The following ZNF789 variants were observed in gnomAD, a reference collection of about 807,000 sequenced individuals.
ZNF789 encodes zinc finger protein 789.
In ZNF789, 11 loss-of-function variants were observed where a neutral mutation model predicts 15.6. The observed-to-expected ratio is 0.70, with a 90% CI of 0.44 to 1.16. The LOEUF (loss-of-function observed/expected upper bound fraction) is 1.16, where lower values mean the gene tolerates loss of function less well. Ranked by LOEUF, ZNF789 falls within the 50% of genes most tolerant of loss-of-function variation. The pLI, the probability that ZNF789 is intolerant of heterozygous loss-of-function variation, is 0.00. For missense variants in ZNF789, 461 were observed against 512.6 expected (o/e 0.90, Z 0.97); for synonymous variants, 159 against 176.0 (o/e 0.90, Z 0.76).
intron 2 of ZNF789, 36 bp from the exon 3 acceptor site, chr7:99,479,625 A>T: frequency 6.4e-7 from 1 of 1,557,376 alleles, no homozygotes; most frequent in Non-Finnish European, 8.7e-7. Flanking sequence ...AAGTTATTTT[A>T]AGAATTGCAG....
chr7:99,477,903 G>A (rs1799420868), intron 2 of ZNF789, among the ~76,000 whole-genome samples: 1 of 152,166 alleles, frequency 6.6e-6, no homozygotes, highest in African/African-American at 2.4e-5. Flanking sequence ...AGCCGAGATC[G>A]CGCCATTGCA....
intron 4 of ZNF789, among the ~76,000 whole-genome samples, chr7:99,486,062 A>C (rs1309704245): frequency 1.3e-5 from 2 of 152,184 alleles, no homozygotes; most frequent in Non-Finnish European, 2.9e-5. Flanking sequence ...TCACGCCTGT[A>C]ATCCCAGCAC....
rs1432575127 is a variant in ZNF789, at chr7:99,484,102, C to G, written c.224C>G (p.Pro75Arg). ...NWDEQWILDL[P>R]RTGNRKASGS... ...GACGAGCAGTGGATCCTGGATCTAC[C>G]GAGAACTGGGAATAGGAAGGCTTCC... is the stretch of plus-strand genomic sequence containing the variant. Residue 75 changes from proline (P) to arginine (R), a missense_variant, in exon 4 of 5, where the codon CCG (proline) becomes CGG (arginine). Transcript: ENST00000331410. 6.2e-7 allele frequency: 1 copy of G among 1,613,958 alleles called. No individual in the cohort carries two copies. The highest frequency in any genetic ancestry group is 2.2e-5 in the East Asian group (1 of 44,874).
At position 99,479,790 on chromosome 7, in the gene ZNF789, A is replaced by T; in HGVS notation, c.151+3A>T. 1 of 1,612,494 alleles carries T rather than the reference A, an allele frequency of 6.2e-7. No individual in the cohort carries two copies. The highest frequency in any genetic ancestry group is 8.5e-7 in the Non-Finnish European group (1 of 1,179,238). On this transcript the variant is annotated splice_donor_region_variant and intron_variant, in intron 3 of 4. Coordinates refer to ENST00000331410, the MANE Select transcript of ZNF789 (RefSeq NM_213603.3). ...CTACAGGAACATGGTCTTGCTGGGT[A>T]GGACACGGCTTGAAGATTGGGCTTT...
chr7:99,477,244 T>C (rs1799384971), intron 2 of ZNF789, among the ~76,000 whole-genome samples: 2 of 152,122 alleles, frequency 1.3e-5, no homozygotes, highest in Non-Finnish European at 2.9e-5. Flanking sequence ...GGTTTCACCA[T>C]GTTGGCCAGA....
intron 4 of ZNF789, among the ~76,000 whole-genome samples, chr7:99,484,441 G>A (rs1235228056): frequency 1.3e-5 from 2 of 152,170 alleles, no homozygotes; most frequent in East Asian, 1.9e-4. Context: ...CCAACATGGT[G>A]AAACCCCGTC....
intron 1 of ZNF789, among the ~76,000 whole-genome samples, chr7:99,474,959 T>C (rs566811470): frequency 6.6e-6 from 1 of 151,070 alleles, no homozygotes; most frequent in East Asian, 1.9e-4. Flanking sequence ...CACTCCAGCC[T>C]GGGTGATAGA....
chr7:99,480,602 T>C (rs1799570413), intron 3 of ZNF789: 1 of 152,248 alleles, frequency 6.6e-6, no homozygotes, highest in Non-Finnish European at 1.5e-5. Context: ...GAGTTGAGAA[T>C]TATGGTAGAT....
At chr7:99,481,907 G>A in intron 3 of ZNF789, 1 of 452,886 alleles carries the variant, frequency 2.2e-6, no homozygotes. Flanking sequence ...AGTAACTCTT[G>A]TTATTAACAT....
rs192623242 is a variant in ZNF789 at position 99,474,391 on chromosome 7, A to G, written c.-55+1335A>G. Among the ~76,000 whole-genome samples, 562 of 152,222 alleles carry G rather than the reference A, an allele frequency of 3.7e-3. 2 individuals are homozygous for G. Among genetic ancestry groups the G allele is most frequent in the Middle Eastern group, 6.8e-3 (2 of 294 alleles). On this transcript the variant is annotated intron_variant, in intron 1 of 4. Coordinates refer to ENST00000331410, the MANE Select transcript of ZNF789 (RefSeq NM_213603.3). ...GGGAGGATCACGAGGTCAGGAGATC[A>G]AGACCATCCTGGCTAACACGGTGAA...
intron 2 of ZNF789, chr7:99,478,415 G>C (rs1269322081): frequency 7.9e-7 from 1 of 1,266,450 alleles, no homozygotes; most frequent in Non-Finnish European, 1.0e-6. Flanking sequence ...AGGAAAGAAA[G>C]TCCGTATAAT....
intron 2 of ZNF789, 48 bp from the exon 3 acceptor site, chr7:99,479,613 G>GT: frequency 1.3e-6 from 2 of 1,546,592 alleles, no homozygotes; most frequent in African/African-American, 1.4e-5. Flanking sequence ...ATCATTGAGC[G>GT]TAAGTTATTT....
chr7:99,482,889 G>T (rs1027326007), intron 3 of ZNF789, among the ~76,000 whole-genome samples: 1 of 151,746 alleles, frequency 6.6e-6, no homozygotes, highest in Non-Finnish European at 1.5e-5. Flanking sequence ...TGCTATATAT[G>T]AGTTTTGTAT....
At chr7:99,483,134 G>A (rs1799736782) in intron 3 of ZNF789, among the ~76,000 whole-genome samples, 1 of 151,788 alleles carries the variant, frequency 6.6e-6, no homozygotes, top group Non-Finnish European at 1.5e-5. Context: ...GGGAGGCCGA[G>A]GCAAGAGAAT....
At chr7:99,481,079 A>G (rs1422961575) in intron 3 of ZNF789, 2 of 152,258 alleles carry the variant, frequency 1.3e-5, no homozygotes, top group African/African-American at 4.8e-5. Flanking sequence ...TGCCTTTACA[A>G]AAGTAGCTGA....
rs757804978 is a variant in ZNF789, at chr7:99,486,807, GTC to G, written c.599_600del (p.Ser200LeufsTer2). 6.2e-7 allele frequency: 1 copy of G among 1,614,224 alleles called. No homozygotes were observed. The highest frequency in any genetic ancestry group is 2.2e-5 in the East Asian group (1 of 44,892). ...ATGAGCGAATTCTCACAAGAGCAAA[GTC>G]TTATGAATGCAGTGAATGTGGAAAA... ...GHERILTRAK[S>X]YECSECGKVI... On this transcript the variant is annotated frameshift_variant, in exon 5 of 5. Coordinates refer to ENST00000331410, the MANE Select transcript of ZNF789 (RefSeq NM_213603.3). LOFTEE classifies it low-confidence loss of function (END_TRUNC).
At chr7:99,474,316 C>T (rs1206271973) in intron 1 of ZNF789, among the ~76,000 whole-genome samples, 2 of 152,100 alleles carry the variant, frequency 1.3e-5, no homozygotes, top group African/African-American at 2.4e-5. Flanking sequence ...GTTTACGAGC[C>T]GGGCGCGGTG....
chr7:99,477,715 G>A (rs190475132), intron 2 of ZNF789, among the ~76,000 whole-genome samples: 3 of 152,160 alleles, frequency 2.0e-5, no homozygotes, highest in Admixed American at 1.3e-4. Flanking sequence ...GGAGGCTGAG[G>A]GGGGTGGATT....
chr7:99,486,550 A>G lies in ZNF789; in HGVS notation c.340A>G (p.Ile114Val), dbSNP rs1382128318. Residue 114 changes from isoleucine (I) to valine (V), a missense_variant, in exon 5 of 5, where the codon ATA becomes GTA. By Grantham distance (29) the Ile-to-Val change is conservative. Coordinates refer to ENST00000331410, the MANE Select transcript of ZNF789 (RefSeq NM_213603.3). ...TTCTGAAGATTTAGAGTCATATAAG[A>G]TATCAGTGGTAATGCAGGAATCAGC... ...KFSEDLESYK[I>V]SVVMQESAEK... 10 of 1,614,218 alleles carry G rather than the reference A, an allele frequency of 6.2e-6. 1 individual carries two copies. The highest frequency in any genetic ancestry group is 1.6e-4 in the Middle Eastern group (1 of 6,062).
Sources: gnomAD v4.1 joint callset for allele counts (sites outside exome capture counted in the v4.1 genomes callset) on GRCh38, gnomAD v4.1.1 for gene constraint, MANE v1.5 for transcripts, NCBI Gene and HGNC (gene_info 2026-07-23, HGNC 2026-07-21) for gene names.